Variants in DENND2C observed in about 807,000 individuals in gnomAD.
DENND2C encodes DENN domain containing 2C.
In DENND2C, 72 loss-of-function variants were observed where a neutral mutation model predicts 112.4. That is an observed-to-expected ratio of 0.64 (90% CI 0.53 to 0.78). The LOEUF is 0.78. DENND2C is among the 30% of genes least tolerant of loss of function. The pLI is 0.00. For synonymous variants in DENND2C, 329 were observed against 381.6 expected, an observed-to-expected ratio of 0.86 and a Z score of 1.61; for missense variants, 992 against 1,113.8, an observed-to-expected ratio of 0.89 and a Z score of 1.56.
chr1:114,633,175 G>A (rs775801578), intron 3 of DENND2C, among the ~76,000 whole-genome samples: 7 of 151,930 alleles, frequency 4.6e-5, no homozygotes, highest in South Asian at 2.1e-4. Flanking sequence ...ATGCCGGCGC[G>A]GTGGCTCACG....
intron 2 of DENND2C, among the ~76,000 whole-genome samples, chr1:114,649,977 C>T (rs1366084043): frequency 6.6e-6 from 1 of 152,060 alleles, no homozygotes; most frequent in Admixed American, 6.6e-5. Flanking sequence ...GATGCAATTA[C>T]AGTGTATACA....
intron 17 of DENND2C, 129 bp downstream of exon 17, chr1:114,595,703 C>T: frequency 2.5e-6 from 2 of 812,514 alleles, no homozygotes; most frequent in Non-Finnish European, 4.0e-6. Flanking sequence ...GGTGTCAATT[C>T]AAGTATGTGT....
chr1:114,619,964 C>G (rs1656118599), intron 7 of DENND2C, among the ~76,000 whole-genome samples: 1 of 152,054 alleles, frequency 6.6e-6, no homozygotes, highest in Admixed American at 6.6e-5. Context: ...GCTGTACACA[C>G]AACACAAACA....
At chr1:114,659,157 C>T (rs1657415056) in intron 1 of DENND2C, among the ~76,000 whole-genome samples, 1 of 152,120 alleles carries the variant, frequency 6.6e-6, no homozygotes, top group Non-Finnish European at 1.5e-5. Context: ...CTAACAATCT[C>T]TCTATATTTT....
intron 3 of DENND2C, among the ~76,000 whole-genome samples, chr1:114,644,959 A>G (rs1410925812): frequency 6.6e-6 from 1 of 152,224 alleles, no homozygotes; most frequent in Non-Finnish European, 1.5e-5. Flanking sequence ...TACTGAAACT[A>G]AAAATTTAAA....
chr1:114,613,647 G>A (rs1284784562), intron 8 of DENND2C, among the ~76,000 whole-genome samples: 1 of 151,994 alleles, frequency 6.6e-6, no homozygotes, highest in Admixed American at 6.6e-5. Context: ...TGGAAAGAAA[G>A]AAAAGAGAGA....
chr1:114,605,114 A>G (rs1291990931), intron 10 of DENND2C, 83 bp from the exon 11 acceptor site: 1 of 968,840 alleles, frequency 1.0e-6, no homozygotes, highest in Admixed American at 2.7e-5. Context: ...TTGTCTCAGG[A>G]AAAAAGGTCT....
chr1:114,630,037 G>T (rs1164425677), intron 3 of DENND2C, among the ~76,000 whole-genome samples: 1 of 152,144 alleles, frequency 6.6e-6, no homozygotes, highest in Non-Finnish European at 1.5e-5. Flanking sequence ...AAAACTGGCT[G>T]GGCGTGGTGG....
At chr1:114,648,273 T>C (rs747782660) in intron 2 of DENND2C, among the ~76,000 whole-genome samples, 2 of 152,246 alleles carry the variant, frequency 1.3e-5, no homozygotes, top group Non-Finnish European at 2.9e-5. Flanking sequence ...TAAACCACTG[T>C]ATATTATACT....
chr1:114,652,082 T>G (rs1334049803), intron 2 of DENND2C, among the ~76,000 whole-genome samples: 1 of 152,166 alleles, frequency 6.6e-6, no homozygotes, highest in Non-Finnish European at 1.5e-5. Flanking sequence ...TATTGGCAAG[T>G]GGACCTTGGG....
intron 1 of DENND2C, among the ~76,000 whole-genome samples, chr1:114,663,408 C>A (rs1035592922): frequency 2.0e-5 from 3 of 152,174 alleles, no homozygotes; most frequent in Admixed American, 2.0e-4. Context: ...TTCTCTGTAT[C>A]TAAAGTTCCA....
chr1:114,653,669 T>C (rs1657231420), intron 2 of DENND2C, among the ~76,000 whole-genome samples: 2 of 152,168 alleles, frequency 1.3e-5, no homozygotes, highest in Admixed American at 1.3e-4. Flanking sequence ...TTAAATGTTA[T>C]AACAGGATCT....
At chr1:114,618,789 T>C (rs748222455) in intron 7 of DENND2C, among the ~76,000 whole-genome samples, 1 of 152,200 alleles carries the variant, frequency 6.6e-6, no homozygotes, top group African/African-American at 2.4e-5. Flanking sequence ...GCCCTTTGTA[T>C]AGTGATCAAG....
chr1:114,587,771 A>G lies in DENND2C; in HGVS notation c.2613T>C (p.Thr871=). ...VRHFLDLFME[T]QMFAGFIQDR... is the part of the protein sequence containing the mutation. ...CCTGGATGAATCCTGCAAACATCTG[A>G]GTTTCCATGAAGAGATCCAGGAAGT... is the stretch of plus-strand genomic sequence containing the variant. Residue 871 remains threonine, a synonymous_variant, in exon 19 of 21, where the codon ACT becomes ACC. Transcript: ENST00000393274. 4 of 1,614,142 alleles carry G rather than the reference A, an allele frequency of 2.5e-6. No homozygotes were observed. Among genetic ancestry groups the G allele is most frequent in the Non-Finnish European group, 3.4e-6 (4 of 1,180,000 alleles).
chr1:114,588,983 T>C (rs1402687548), intron 18 of DENND2C, among the ~76,000 whole-genome samples: 1 of 152,236 alleles, frequency 6.6e-6, no homozygotes, highest in African/African-American at 2.4e-5. Flanking sequence ...TAAGTGCTTC[T>C]ACAAACATAA....
At chr1:114,638,848 C>T (rs968939398) in intron 3 of DENND2C, among the ~76,000 whole-genome samples, 1 of 147,788 alleles carries the variant, frequency 6.8e-6, no homozygotes, top group African/African-American at 2.5e-5. Flanking sequence ...TATATAAAGA[C>T]TTGAATATCA....
chr1:114,591,723 ATTCTT>A (rs1250363084), intron 18 of DENND2C, among the ~76,000 whole-genome samples: 2 of 151,992 alleles, frequency 1.3e-5, no homozygotes, highest in Non-Finnish European at 2.9e-5. Context: ...ATTTTCTTCT[ATTCTT>A]TTAAAAATAT....
intron 3 of DENND2C, among the ~76,000 whole-genome samples, chr1:114,642,036 T>G (rs967373425): frequency 6.6e-6 from 1 of 152,122 alleles, no homozygotes; most frequent in African/African-American, 2.4e-5. Flanking sequence ...CACTGCAACC[T>G]CTGCCTCCCG....
chr1:114,594,626 G>GTTAAGTTTGAGATATTGA, intron 17 of DENND2C, 48 bp from the exon 18 acceptor site: 1 of 1,483,716 alleles, frequency 6.7e-7, no homozygotes, highest in East Asian at 2.3e-5. Context: ...GAGATTTGAG[G>GTTAAGTTTGAGATATTGA]GATTAAGTCT....
Sources: gnomAD v4.1 joint callset for allele counts (sites outside exome capture counted in the v4.1 genomes callset) on GRCh38, gnomAD v4.1.1 for gene constraint, MANE v1.5 for transcripts, NCBI Gene and HGNC (gene_info 2026-07-23, HGNC 2026-07-21) for gene names.